BORCS5: variants seen among roughly 807,000 people sequenced by gnomAD.
BORCS5 encodes the protein BLOC-1-related complex subunit 5.
Under a neutral mutation model 22.1 loss-of-function variants are expected in BORCS5, and 17 were observed. That is an observed-to-expected ratio of 0.77 (90% CI 0.53 to 1.15). BORCS5 has a LOEUF of 1.15. BORCS5 is among the 50% of genes most tolerant of loss of function. The pLI is 0.00. For missense variants in BORCS5, 247 were observed against 253.2 expected, an observed-to-expected ratio of 0.98 and a Z score of 0.17; for synonymous variants, 117 against 99.8, an observed-to-expected ratio of 1.17 and a Z score of -1.03.
At chr12:12,459,216 G>C (rs1943057480) in intron 3 of BORCS5, among the ~76,000 whole-genome samples, 1 of 151,980 alleles carries the variant, frequency 6.6e-6, no homozygotes, top group South Asian at 2.1e-4. Context: ...CTTTTTAAGA[G>C]AAGTTTTTAG....
chr12:12,430,866 T>G lies in BORCS5; in HGVS notation c.203-4762T>G, dbSNP rs562352045. ...ATCTATATACCTTTTAAAAATTTTA[T>G]CTTATGGAGGTTTTTTTCCATGTAA... On this transcript the variant is annotated intron_variant, in intron 2 of 3. Transcript: ENST00000314565. Among the ~76,000 whole-genome samples, 4 of 152,314 alleles carry G rather than the reference T, an allele frequency of 2.6e-5. No individual in the cohort carries two copies. In the East Asian group the frequency reaches 7.7e-4, roughly 29 times the overall value.
At chr12:12,424,268 T>C (rs917715561) in intron 2 of BORCS5, among the ~76,000 whole-genome samples, 3 of 151,108 alleles carry the variant, frequency 2.0e-5, no homozygotes, top group Admixed American at 6.6e-5. Context: ...CTAGATAGTA[T>C]TCATTGTACT....
chr12:12,369,613 G>T (rs1191915850), intron 2 of BORCS5, among the ~76,000 whole-genome samples: 10 of 145,956 alleles, frequency 6.9e-5, no homozygotes, highest in Admixed American at 4.8e-4. Context: ...TTACAATATA[G>T]TCTTGATATT....
chr12:12,387,578 C>T (rs1022150313), intron 2 of BORCS5, among the ~76,000 whole-genome samples: 2 of 151,390 alleles, frequency 1.3e-5, no homozygotes, highest in Admixed American at 1.3e-4. Context: ...AGAGCATGAC[C>T]CCCAGAATTG....
chr12:12,409,225 TTTATTA>T (rs1200974570), intron 2 of BORCS5, among the ~76,000 whole-genome samples: 1 of 151,942 alleles, frequency 6.6e-6, no homozygotes, highest in East Asian at 1.9e-4. Flanking sequence ...TATTTTTTAT[TTTATTA>T]TTATTATACT....
At chr12:12,454,884 A>G (rs796067292) in intron 3 of BORCS5, among the ~76,000 whole-genome samples, 4 of 152,320 alleles carry the variant, frequency 2.6e-5, no homozygotes, top group African/African-American at 9.6e-5. Flanking sequence ...AGAAGCTGAG[A>G]GTCAGCTTGT....
intron 3 of BORCS5, among the ~76,000 whole-genome samples, chr12:12,442,771 T>C (rs1942710228): frequency 6.6e-6 from 1 of 152,210 alleles, no homozygotes; most frequent in Non-Finnish European, 1.5e-5. Flanking sequence ...GAGTCCTTCA[T>C]TTCATTTTTG....
At chr12:12,452,340 G>T in intron 3 of BORCS5, 1 of 698,700 alleles carries the variant, frequency 1.4e-6, no homozygotes, top group South Asian at 1.3e-5. Context: ...AGAATATTGT[G>T]AACCGTGTCT....
chr12:12,436,220 T>G (rs6488527), intron 3 of BORCS5, among the ~76,000 whole-genome samples: 37 of 152,238 alleles, frequency 2.4e-4, no homozygotes, highest in African/African-American at 8.9e-4. Flanking sequence ...AAAATTTCTT[T>G]CAAAGCAGGA....
chr12:12,388,170 T>C (rs1863924275), intron 2 of BORCS5, among the ~76,000 whole-genome samples: 1 of 151,346 alleles, frequency 6.6e-6, no homozygotes, highest in Non-Finnish European at 1.5e-5. Flanking sequence ...ATTAATGCAG[T>C]TTTTATTGTG....
chr12:12,389,555 C>T (rs1279203114), intron 2 of BORCS5, among the ~76,000 whole-genome samples: 1 of 142,392 alleles, frequency 7.0e-6, no homozygotes, highest in Non-Finnish European at 1.6e-5. Flanking sequence ...TTGCTCCATC[C>T]TGCCTACAAC....
At chr12:12,434,763 G>A (rs1942518239) in intron 2 of BORCS5, among the ~76,000 whole-genome samples, 1 of 152,190 alleles carries the variant, frequency 6.6e-6, no homozygotes, top group Non-Finnish European at 1.5e-5. Context: ...AATGTTCTCA[G>A]TTTTAATTTT....
intron 3 of BORCS5, among the ~76,000 whole-genome samples, chr12:12,439,504 C>T (rs1019341): frequency 0.61 from 92,752 of 151,724 alleles, 29,564 homozygotes; most frequent in African/African-American, 0.79. Flanking sequence ...CATGGTGGTG[C>T]GTGCCTGTAG....
intron 2 of BORCS5, among the ~76,000 whole-genome samples, chr12:12,410,603 A>C: frequency 6.6e-6 from 1 of 152,196 alleles, no homozygotes; most frequent in Non-Finnish European, 1.5e-5. Context: ...TTTTGGTACC[A>C]GTACCATGCT....
chr12:12,439,804 T>C (rs1256120773), intron 3 of BORCS5, among the ~76,000 whole-genome samples: 2 of 152,150 alleles, frequency 1.3e-5, no homozygotes, highest in African/African-American at 2.4e-5. Flanking sequence ...GGTGGCGTAA[T>C]GTGTCCGTCT....
intron 2 of BORCS5, among the ~76,000 whole-genome samples, chr12:12,388,596 A>T (rs1199067694): frequency 6.7e-6 from 1 of 150,260 alleles, no homozygotes. Context: ...CCATAATTAT[A>T]CAAAAAGGGA....
intron 3 of BORCS5, among the ~76,000 whole-genome samples, chr12:12,462,099 G>C (rs930940796): frequency 1.3e-5 from 2 of 152,176 alleles, no homozygotes; most frequent in African/African-American, 4.8e-5. Flanking sequence ...TCTATCCTAG[G>C]ACCTCGCATA....
chr12:12,357,432 C>T lies in BORCS5; in HGVS notation c.-20C>T, dbSNP rs767514150. The T allele has an allele frequency of 6.2e-7, 1 of 1,604,360 alleles. No homozygotes were observed. Among genetic ancestry groups the T allele is most frequent in the Admixed American group, 1.7e-5 (1 of 59,584 alleles). On this transcript the variant is annotated 5_prime_UTR_variant, in exon 1 of 4. Transcript: ENST00000314565. ...GACCGCCCGGCCCGCCGTTCTTCTG[C>T]TGCCACCGCTGTCGGCACCATGGGC...
chr12:12,399,100 A>T (rs1464510902), intron 2 of BORCS5, among the ~76,000 whole-genome samples: 1 of 152,166 alleles, frequency 6.6e-6, no homozygotes, highest in Non-Finnish European at 1.5e-5. Flanking sequence ...GGGCTAAAAC[A>T]GTATGTGTTT....
Sources: allele counts gnomAD v4.1 joint callset (sites outside exome capture counted in the v4.1 genomes callset), GRCh38; gene constraint gnomAD v4.1.1; transcripts MANE v1.5; gene names NCBI Gene and HGNC (gene_info 2026-07-23, HGNC 2026-07-21).